Variants in CKM observed in about 807,000 individuals in gnomAD.
The protein encoded by CKM is creatine kinase, M-type.
In CKM, 28 loss-of-function variants were observed where a neutral mutation model predicts 35.4. The ratio of observed to expected loss-of-function variants is 0.79; its 90% CI spans 0.59 to 1.08. The LOEUF is 1.08. Ranked by LOEUF, CKM falls within the 50% of genes least tolerant of loss-of-function variation. The probability of loss-of-function intolerance (pLI) is 0.00; values close to 1 mark genes in which losing one functional copy is unlikely to be tolerated. For missense variants in CKM, 484 were observed against 509.8 expected (o/e 0.95, Z 0.49); for synonymous variants, 215 against 204.4 (o/e 1.05, Z -0.44).
chr19:45,322,569 G>A (rs1182321469), intron 1 of CKM, among the ~76,000 whole-genome samples: 1 of 152,094 alleles, frequency 6.6e-6, no homozygotes. Flanking sequence ...CTTTCATCTC[G>A]GATCCCTCCC....
intron 4 of CKM, among the ~76,000 whole-genome samples, chr19:45,313,256 T>A (rs1159546866): frequency 1.3e-5 from 2 of 152,166 alleles, no homozygotes; most frequent in African/African-American, 4.8e-5. Flanking sequence ...TACTGCAGAC[T>A]TTCTCATTAT....
chr19:45,309,962 G>T (rs570630199), intron 5 of CKM, among the ~76,000 whole-genome samples: 1 of 152,020 alleles, frequency 6.6e-6, no homozygotes, highest in Non-Finnish European at 1.5e-5. Flanking sequence ...TAGCACCCAG[G>T]CTCCCTTCAT....
intron 3 of CKM, 86 bp downstream of exon 3, chr19:45,317,739 C>T: frequency 1.4e-6 from 2 of 1,417,078 alleles, no homozygotes; most frequent in South Asian, 2.4e-5. Context: ...CTCTCTCTGT[C>T]TCTGTATTTC....
intron 5 of CKM, among the ~76,000 whole-genome samples, chr19:45,311,174 TCCC>T (rs1296638746): frequency 3.3e-5 from 5 of 150,884 alleles, no homozygotes; most frequent in Non-Finnish European, 7.4e-5. Flanking sequence ...TGCTGCAGCC[TCCC>T]AAAGTGCTGG....
chr19:45,315,400 C>T, intron 4 of CKM, 65 bp downstream of exon 4: 1 of 1,568,368 alleles, frequency 6.4e-7, no homozygotes, highest in Non-Finnish European at 8.6e-7. Flanking sequence ...ACCCGAGGAC[C>T]TGCCCATGGA....
In CKM at chr19:45,306,920, C is replaced by T; in HGVS notation, c.976G>A (p.Asp326Asn). The T allele has an allele frequency of 6.2e-7, 1 of 1,613,870 alleles. No individual in the cohort carries two copies. The highest frequency in any genetic ancestry group is 8.5e-7 in the Non-Finnish European group (1 of 1,180,036). Residue 326 changes from aspartate (D) to asparagine (N), a missense_variant, in exon 8 of 8, where the codon GAC becomes AAC. Coordinates refer to ENST00000221476, the MANE Select transcript of CKM (RefSeq NM_001824.5). This position sits in a 1 kb window ranked among gnomAD's most constrained non-coding sequence, Gnocchi z 4.5. ...AATACTGAGCCCACGGCAGCTGTGT[C>T]CACGCCACCTGTGGGAGCAAGGGAC... ...RLQKRGTGGV[D>N]TAAVGSVFDV...
chr19:45,315,946 C>A (rs1234843846), intron 3 of CKM, among the ~76,000 whole-genome samples: 1 of 151,456 alleles, frequency 6.6e-6, no homozygotes, highest in Non-Finnish European at 1.5e-5. Context: ...TGGGCTCAAG[C>A]AATTCCCCTG....
intron 6 of CKM, 42 bp downstream of exon 6, chr19:45,308,367 C>G (rs990091529): frequency 6.2e-7 from 1 of 1,613,408 alleles, no homozygotes; most frequent in Non-Finnish European, 8.5e-7. Flanking sequence ...GTGGGGCGTT[C>G]AAGGTGGAGT....
At chr19:45,312,018 G>A (rs957703833) in intron 4 of CKM, 98 bp from the exon 5 acceptor site, 6 of 1,403,728 alleles carry the variant, frequency 4.3e-6, no homozygotes, top group South Asian at 1.2e-5. Flanking sequence ...AACGGGCCTG[G>A]GCCTTGGCCC....
intron 1 of CKM, among the ~76,000 whole-genome samples, chr19:45,320,246 C>T (rs1288701490): frequency 6.6e-6 from 1 of 152,074 alleles, no homozygotes; most frequent in African/African-American, 2.4e-5. Flanking sequence ...ACCACCATGC[C>T]TGGCTAATTT....
At chr19:45,318,043 C>T (rs1299423356) in intron 2 of CKM, 64 bp from the exon 3 acceptor site, 1 of 1,451,716 alleles carries the variant, frequency 6.9e-7, no homozygotes, top group Non-Finnish European at 9.7e-7. Flanking sequence ...GGCTTGTGGG[C>T]TCAGTGGAGC....
intron 4 of CKM, 137 bp from the exon 5 acceptor site, chr19:45,312,057 T>C: frequency 1.0e-6 from 1 of 961,416 alleles, no homozygotes; most frequent in African/African-American, 1.6e-5. Flanking sequence ...ACCTGAACCC[T>C]GTGTCTAAAC....
chr19:45,314,107 AAAGGG>A (rs374184014), intron 4 of CKM, among the ~76,000 whole-genome samples: 99 of 149,294 alleles, frequency 6.6e-4, no homozygotes, highest in Non-Finnish European at 9.8e-4. Context: ...ACGGAGAAGA[AAAGGG>A]AAGGGAAGGG....
rs80301995 is a variant in CKM at position 45,318,073 on chromosome 19, G to A, written c.194-94C>T. Reference sequence around the variant, plus strand: ...TGGAGCCTGTGTGGACATGTGTGTCGGGATGGGGGCGGGTACATTCAATAC... The same window carrying A: ...TGGAGCCTGTGTGGACATGTGTGTCAGGATGGGGGCGGGTACATTCAATAC... On this transcript the variant is annotated intron_variant, in intron 2 of 7. Transcript: ENST00000221476. 1.7e-3 allele frequency: 1,820 copies of A among 1,069,632 alleles called. 21 individuals carry two copies. In the African/African-American group the frequency reaches 0.024, roughly 14 times the overall value. The allele number at this position is 1,069,632 out of a possible 1,614,324, so 66.3% of individuals were successfully genotyped here.
At chr19:45,309,774 G>T (rs1971090012) in intron 5 of CKM, among the ~76,000 whole-genome samples, 1 of 151,306 alleles carries the variant, frequency 6.6e-6, no homozygotes, top group South Asian at 2.1e-4. Context: ...AGGGTGAGAG[G>T]ATCGTTTGAA....
At chr19:45,310,229 T>C (rs1971094546) in intron 5 of CKM, among the ~76,000 whole-genome samples, 1 of 150,194 alleles carries the variant, frequency 6.7e-6, no homozygotes, top group Non-Finnish European at 1.5e-5. Flanking sequence ...CACGCCATTC[T>C]CCTGCCTCAG....
intron 3 of CKM, 150 bp from the exon 4 acceptor site, chr19:45,315,747 A>G: frequency 1.0e-6 from 1 of 1,004,428 alleles, no homozygotes. Context: ...TCTCCCCGCC[A>G]CCCATACCTG....
At chr19:45,315,870 GTC>G (rs774910567) in intron 3 of CKM, among the ~76,000 whole-genome samples, 4 of 53,310 alleles carry the variant, frequency 7.5e-5, no homozygotes, top group Non-Finnish European at 1.9e-4. Context: ...TCGAGACAGG[GTC>G]TCTCTCTGTC....
intron 5 of CKM, among the ~76,000 whole-genome samples, chr19:45,309,733 A>G (rs899797060): frequency 2.0e-5 from 3 of 151,554 alleles, no homozygotes; most frequent in Non-Finnish European, 4.4e-5. Flanking sequence ...ACAGTGGCAC[A>G]TGCCTGTCGT....
Sources: allele counts gnomAD v4.1 joint callset (sites outside exome capture counted in the v4.1 genomes callset), GRCh38; gene constraint gnomAD v4.1.1; non-coding constraint Gnocchi (gnomAD v3.1); transcripts MANE v1.5; gene names NCBI Gene and HGNC (gene_info 2026-07-23, HGNC 2026-07-21).